Variants in DAB1 observed in about 807,000 individuals in gnomAD.
DAB1 encodes the protein DAB adaptor protein 1.
Under a neutral mutation model 64.6 loss-of-function variants are expected in DAB1, and 15 were observed. The ratio of observed to expected loss-of-function variants is 0.23; its 90% CI spans 0.16 to 0.36. DAB1 has a LOEUF of 0.36. Ranked by LOEUF, DAB1 falls within the 10% of genes least tolerant of loss-of-function variation. The pLI is 1.00. For missense variants in DAB1, 596 were observed against 706.7 expected, an observed-to-expected ratio of 0.84 and a Z score of 1.78; for synonymous variants, 235 against 251.9, an observed-to-expected ratio of 0.93 and a Z score of 0.64.
chr1:58,362,186 AT>A (rs1644174029), intron 3 of DAB1, among the ~76,000 whole-genome samples: 1 of 152,138 alleles, frequency 6.6e-6, no homozygotes, highest in African/African-American at 2.4e-5. Flanking sequence ...CTCCATGAAT[AT>A]TAAGTGAGAT....
chr1:58,468,855 C>G (rs1398684924), intron 3 of DAB1: 3 of 192,914 alleles, frequency 1.6e-5, no homozygotes, highest in South Asian at 3.5e-4. Context: ...GGTGTGACAG[C>G]TGGAGCATTT....
At chr1:58,200,451 G>A (rs1475943473) in intron 4 of DAB1, among the ~76,000 whole-genome samples, 1 of 152,100 alleles carries the variant, frequency 6.6e-6, no homozygotes, top group Non-Finnish European at 1.5e-5. Context: ...TTTGCCTTTG[G>A]AAGATAACTT....
At chr1:57,921,936 G>A (rs760937590) in intron 5 of DAB1, among the ~76,000 whole-genome samples, 8 of 152,070 alleles carry the variant, frequency 5.3e-5, no homozygotes, top group Admixed American at 1.3e-4. Flanking sequence ...GGCCCCCTCC[G>A]TGGTGTTTCT....
At chr1:57,618,813 C>T (rs765301918) in intron 7 of DAB1, among the ~76,000 whole-genome samples, 4 of 152,090 alleles carry the variant, frequency 2.6e-5, no homozygotes, top group Admixed American at 6.5e-5. Context: ...TATATTTAAA[C>T]TAGAGAGACA....
At chr1:57,170,274 C>T (rs1291124066) in intron 2 of DAB1, among the ~76,000 whole-genome samples, 1 of 152,164 alleles carries the variant, frequency 6.6e-6, no homozygotes, top group African/African-American at 2.4e-5. Context: ...GCTGGGATTA[C>T]AGGTGTGAGC....
At chr1:58,058,810 G>A (rs1356533550) in intron 5 of DAB1, among the ~76,000 whole-genome samples, 3 of 152,196 alleles carry the variant, frequency 2.0e-5, no homozygotes, top group Non-Finnish European at 4.4e-5. Flanking sequence ...TGAAATCCTG[G>A]AGTTCCTGAA....
rs184252137 is a variant in DAB1, at chr1:58,071,995, T to A, written n.387+78516A>T. On this transcript the variant is annotated intron_variant and non_coding_transcript_variant, in intron 5 of 20. Transcript: ENST00000485760. ...TAAGGAACATGCAAAAGTTAAAAGG[T>A]AAATAATTAAAATATACCATGTTAG... 2.1e-3 allele frequency among the ~76,000 whole-genome samples: 270 copies of A among 130,292 alleles called. 2 individuals carry two copies. Among genetic ancestry groups the A allele is most frequent in the Admixed American group, 3.6e-3 (38 of 10,686 alleles). The allele number at this position is 130,292 out of a possible 152,430, so 85.5% of individuals were successfully genotyped here.
chr1:57,831,205 G>A (rs752844726), intron 1 of DAB1, among the ~76,000 whole-genome samples: 7 of 152,144 alleles, frequency 4.6e-5, no homozygotes, highest in African/African-American at 1.2e-4. Flanking sequence ...GAGCCACCGC[G>A]CCCAGCCATG....
At chr1:57,533,921 G>A (rs1341313) in intron 7 of DAB1, among the ~76,000 whole-genome samples, 3,122 of 152,080 alleles carry the variant, frequency 0.021, 126 homozygotes, top group African/African-American at 0.072. Flanking sequence ...AAAATTAGGG[G>A]AACCAATTCT....
chr1:57,356,028 T>A (rs1558228455), intron 1 of DAB1, among the ~76,000 whole-genome samples: 1 of 152,116 alleles, frequency 6.6e-6, no homozygotes, highest in Non-Finnish European at 1.5e-5. Flanking sequence ...CCAGATTTCC[T>A]TATTAATTTT....
At chr1:58,483,946 T>C (rs1182440075) in intron 3 of DAB1, among the ~76,000 whole-genome samples, 2 of 151,608 alleles carry the variant, frequency 1.3e-5, no homozygotes, top group Non-Finnish European at 2.9e-5. Flanking sequence ...AGGGGGAGAG[T>C]ATGGAGTCCA....
intron 2 of DAB1, among the ~76,000 whole-genome samples, chr1:57,154,529 T>C (rs892833373): frequency 6.6e-6 from 1 of 152,254 alleles, no homozygotes; most frequent in Admixed American, 6.5e-5. Flanking sequence ...CTCTTTGATA[T>C]ACTGATTTCC....
chr1:57,831,902 G>A (rs1652606243), intron 1 of DAB1, among the ~76,000 whole-genome samples: 1 of 152,092 alleles, frequency 6.6e-6, no homozygotes, highest in Non-Finnish European at 1.5e-5. Flanking sequence ...CTATGTGCAA[G>A]AGACTATGCT....
intron 7 of DAB1, among the ~76,000 whole-genome samples, chr1:57,557,411 T>C (rs1274074314): frequency 6.6e-6 from 1 of 151,922 alleles, no homozygotes; most frequent in Non-Finnish European, 1.5e-5. Flanking sequence ...AAATGGCTTA[T>C]ATATATATAC....
chr1:57,110,460 A>G (rs1176813361), intron 4 of DAB1, among the ~76,000 whole-genome samples: 1 of 152,218 alleles, frequency 6.6e-6, no homozygotes, highest in Non-Finnish European at 1.5e-5. Flanking sequence ...TGTTTACATT[A>G]AGAAGGTAAA....
rs567889797 is a variant in DAB1 at position 58,037,342 on chromosome 1, C to A, written n.387+113169G>T. Among the ~76,000 whole-genome samples, 3 of 152,266 alleles carry A rather than the reference C, an allele frequency of 2.0e-5. No individual in the cohort carries two copies. The South Asian group carries it at 6.2e-4, about 32-fold the overall frequency. The stretch of plus-strand genomic sequence containing the variant: ...TCTGAGGCGGGGTCTATGCTGCCTC[C>A]AGATCTTCCCTTACGGCAGGGGTCC... On this transcript the variant is annotated intron_variant and non_coding_transcript_variant, in intron 5 of 20. Transcript: ENST00000485760.
intron 3 of DAB1, among the ~76,000 whole-genome samples, chr1:58,351,840 C>T (rs1206297043): frequency 6.9e-6 from 1 of 144,914 alleles, no homozygotes; most frequent in Non-Finnish European, 1.5e-5. Context: ...CTGTTGAGAC[C>T]CTTAAGAAGC....
chr1:58,113,161 A>C (rs1017052448), intron 5 of DAB1, among the ~76,000 whole-genome samples: 4 of 152,288 alleles, frequency 2.6e-5, no homozygotes, highest in African/African-American at 7.2e-5. Flanking sequence ...CAGGCACAAG[A>C]AGTCAGGAAA....
intron 5 of DAB1, among the ~76,000 whole-genome samples, chr1:58,134,135 T>C (rs977825368): frequency 4.6e-5 from 7 of 152,210 alleles, no homozygotes; most frequent in African/African-American, 1.7e-4. Context: ...TTTAGATGGG[T>C]AATTTATAAA....
Sources: gnomAD v4.1 joint callset for allele counts (sites outside exome capture counted in the v4.1 genomes callset) on GRCh38, gnomAD v4.1.1 for gene constraint, MANE v1.5 for transcripts, NCBI Gene and HGNC (gene_info 2026-07-23, HGNC 2026-07-21) for gene names.